The following CDKAL1 variants were observed in gnomAD, a reference collection of about 807,000 sequenced individuals.
The protein encoded by CDKAL1 is threonylcarbamoyladenosine tRNA methylthiotransferase.
In CDKAL1, 32 loss-of-function variants were observed where a neutral mutation model predicts 68.2. The ratio of observed to expected loss-of-function variants is 0.47; its 90% confidence interval spans 0.35 to 0.63. The LOEUF is 0.63. Ranked by LOEUF, CDKAL1 falls within the 30% of genes least tolerant of loss-of-function variation. The pLI is 0.00. For synonymous variants in CDKAL1, 234 were observed against 244.3 expected, an observed-to-expected ratio of 0.96 and a Z score of 0.39; for missense variants, 606 against 696.7, an observed-to-expected ratio of 0.87 and a Z score of 1.47.
intron 9 of CDKAL1, among the ~76,000 whole-genome samples, chr6:20,860,660 C>T (rs1488339108): frequency 1.3e-5 from 2 of 151,838 alleles, no homozygotes; most frequent in African/African-American, 4.8e-5. Context: ...CCCTTCCCTA[C>T]TAAAAATACA....
chr6:21,205,994 C>G (rs541379359), intron 15 of CDKAL1, among the ~76,000 whole-genome samples: 1 of 148,244 alleles, frequency 6.7e-6, no homozygotes, highest in South Asian at 2.1e-4. Flanking sequence ...GCCACCGCGC[C>G]CGGCTAATTT....
At chr6:21,144,695 G>A (rs1230225315) in intron 13 of CDKAL1, among the ~76,000 whole-genome samples, 1 of 151,874 alleles carries the variant, frequency 6.6e-6, no homozygotes, top group African/African-American at 2.4e-5. Context: ...AGCTACCTGG[G>A]AGGCTCAGGT....
chr6:20,618,302 T>C lies in CDKAL1; in HGVS notation c.287-30991T>C, dbSNP rs536545250. Among the ~76,000 whole-genome samples the C allele has an allele frequency of 4.6e-5, 7 of 152,340 alleles. No individual in the cohort carries two copies. In the East Asian group the frequency reaches 1.3e-3, roughly 29 times the overall value. ...AAATTTGTTTAAATTCTTTGTATAT[T>C]CTGGATATTAGCCCTTTGTCAGATG... On this transcript the variant is annotated intron_variant, in intron 4 of 15. Coordinates refer to ENST00000274695, the MANE Select transcript of CDKAL1 (RefSeq NM_017774.3).
chr6:21,069,171 T>C lies in CDKAL1; in HGVS notation c.1236+3943T>C, dbSNP rs1186362347. Among the ~76,000 whole-genome samples, 4 of 152,222 alleles carry C rather than the reference T, an allele frequency of 2.6e-5. No individual in the cohort carries two copies. The East Asian group carries it at 7.7e-4, about 29-fold the overall frequency. ...TCATGACTTTTATTTCCTTTTCTTA[T>C]CTTACTATACTGGCAAGAATGTTCA... On this transcript the variant is annotated intron_variant, in intron 12 of 15. Coordinates refer to ENST00000274695, the MANE Select transcript of CDKAL1 (RefSeq NM_017774.3).
At chr6:20,913,194 T>C (rs1762552683) in intron 9 of CDKAL1, among the ~76,000 whole-genome samples, 1 of 151,196 alleles carries the variant, frequency 6.6e-6, no homozygotes, top group African/African-American at 2.4e-5. Context: ...ACAACCCATA[T>C]TTTTTATCTC....
chr6:21,036,308 G>T (rs766394125), intron 11 of CDKAL1, among the ~76,000 whole-genome samples: 1 of 152,108 alleles, frequency 6.6e-6, no homozygotes, highest in East Asian at 1.9e-4. Context: ...TGATAGTAGT[G>T]GTTGAAGGCA....
At chr6:20,806,068 CAG>C (rs1443332206) in intron 8 of CDKAL1, among the ~76,000 whole-genome samples, 1 of 152,112 alleles carries the variant, frequency 6.6e-6, no homozygotes, top group African/African-American at 2.4e-5. Context: ...TTATATGTCA[CAG>C]GGGTTTGCTG....
intron 7 of CDKAL1, among the ~76,000 whole-genome samples, chr6:20,759,012 A>C (rs1380611081): frequency 1.3e-5 from 2 of 151,974 alleles, no homozygotes; most frequent in Non-Finnish European, 2.9e-5. Context: ...TGTGGTGTGC[A>C]CCTGTAGTCC....
chr6:20,811,386 A>T (rs1776809711), intron 8 of CDKAL1, among the ~76,000 whole-genome samples: 1 of 152,218 alleles, frequency 6.6e-6, no homozygotes, highest in Non-Finnish European at 1.5e-5. Flanking sequence ...AGTCTGACTC[A>T]GCCCTGGCGA....
chr6:20,754,718 T>C (rs149433290), intron 6 of CDKAL1, among the ~76,000 whole-genome samples: 57 of 152,360 alleles, frequency 3.7e-4, no homozygotes, highest in African/African-American at 1.3e-3. Flanking sequence ...ATGTGATTTA[T>C]AAAAGTTTTC....
intron 12 of CDKAL1, among the ~76,000 whole-genome samples, chr6:21,102,283 A>C (rs1773615909): frequency 6.6e-6 from 1 of 152,148 alleles, no homozygotes; most frequent in Non-Finnish European, 1.5e-5. Context: ...TTCCTTCTTC[A>C]ACCAAATGCT....
At chr6:20,563,262 A>G (rs1764336564) in intron 4 of CDKAL1, among the ~76,000 whole-genome samples, 2 of 152,212 alleles carry the variant, frequency 1.3e-5, no homozygotes, top group South Asian at 4.1e-4. Flanking sequence ...GCTTACAAAA[A>G]TGAAGGAATT....
intron 4 of CDKAL1, among the ~76,000 whole-genome samples, chr6:20,551,589 C>G (rs1043470283): frequency 6.6e-6 from 1 of 151,930 alleles, no homozygotes; most frequent in African/African-American, 2.4e-5. Flanking sequence ...CCAGGATGGT[C>G]TCGATCCCTT....
chr6:21,178,764 C>A (rs1777681318), intron 13 of CDKAL1, among the ~76,000 whole-genome samples: 1 of 152,190 alleles, frequency 6.6e-6, no homozygotes, highest in Non-Finnish European at 1.5e-5. Flanking sequence ...GGGATAGCAC[C>A]TGCTCTCATT....
At chr6:20,818,606 C>T (rs1334446858) in intron 8 of CDKAL1, among the ~76,000 whole-genome samples, 1 of 151,808 alleles carries the variant, frequency 6.6e-6, no homozygotes, top group African/African-American at 2.4e-5. Context: ...CCAGTTGGGA[C>T]ATAACCTTTA....
Position 20,712,299 on chromosome 6 carries a change from A to T in CDKAL1, c.372-27220A>T, listed in dbSNP as rs112716129. On this transcript the variant is annotated intron_variant, in intron 5 of 15. Transcript: ENST00000274695. ...TGAATCCAAAGTTGCAATGGTCAGG[A>T]AAGACTTTTCTGGAGGAAATGACAG... 3.0e-3 allele frequency among the ~76,000 whole-genome samples: 463 copies of T among 152,290 alleles called. 6 individuals carry two copies. The highest frequency in any genetic ancestry group is 0.01 in the African/African-American group (435 of 41,560).
chr6:20,893,704 C>A (rs1761529058), intron 9 of CDKAL1, among the ~76,000 whole-genome samples: 2 of 152,150 alleles, frequency 1.3e-5, no homozygotes, highest in Admixed American at 1.3e-4. Flanking sequence ...TTAGCATCTC[C>A]ATCCTCAATT....
chr6:21,231,002 G>A lies in CDKAL1; in HGVS notation c.1703G>A (p.Gly568Asp). The change falls in exon 16 of 16, where the codon GGT (glycine) becomes GAT (aspartate). Residue 568 changes from glycine (G) to aspartate (D), a missense_variant. Gly to Asp is a moderately conservative substitution (Grantham distance 94). Transcript: ENST00000274695. Reference sequence around the variant, plus strand: ...ATGTCCGTGGGCTTGGCTCTGCTGGGTCTTCTTTTTGCTTTTTTTGTCAAG... The same window carrying A: ...ATGTCCGTGGGCTTGGCTCTGCTGGATCTTCTTTTTGCTTTTTTTGTCAAG... ...LRMSVGLALL[G>D]LLFAFFVKVY... is the part of the protein sequence containing the mutation. The A allele has an allele frequency of 6.2e-7, 1 of 1,609,188 alleles. No homozygotes were observed. The highest frequency in any genetic ancestry group is 8.5e-7 in the Non-Finnish European group (1 of 1,176,764).
chr6:20,680,224 G>A (rs1433724466), intron 5 of CDKAL1, among the ~76,000 whole-genome samples: 2 of 152,092 alleles, frequency 1.3e-5, no homozygotes, highest in South Asian at 2.1e-4. Flanking sequence ...CCACCACCAT[G>A]CCTGGCTAAT....
Sources: allele counts gnomAD v4.1 joint callset (sites outside exome capture counted in the v4.1 genomes callset), GRCh38; gene constraint gnomAD v4.1.1; transcripts MANE v1.5; gene names NCBI Gene and HGNC (gene_info 2026-07-23, HGNC 2026-07-21).